GPHN: variants seen among roughly 807,000 people sequenced by gnomAD.
The protein encoded by GPHN is gephyrin.
In GPHN, 17 loss-of-function variants were observed where a neutral mutation model predicts 95.5. The ratio of observed to expected loss-of-function variants is 0.18; its 90% CI spans 0.12 to 0.27. The LOEUF (loss-of-function observed/expected upper bound fraction) is 0.27, where lower values mean the gene tolerates loss of function less well. GPHN is among the 10% of genes least tolerant of loss of function. The pLI is 1.00. For missense variants in GPHN, 660 were observed against 978.1 expected, an observed-to-expected ratio of 0.67 and a Z score of 4.34; for synonymous variants, 320 against 322.5, an observed-to-expected ratio of 0.99 and a Z score of 0.08.
chr14:67,008,359 G>A (rs983406591), intron 9 of GPHN, among the ~76,000 whole-genome samples: 2 of 151,718 alleles, frequency 1.3e-5, no homozygotes, highest in South Asian at 2.1e-4. Flanking sequence ...AGGAGGCTGA[G>A]GCAGGAGAAT....
chr14:66,939,425 C>T (rs2067292405), intron 8 of GPHN, among the ~76,000 whole-genome samples: 1 of 151,578 alleles, frequency 6.6e-6, no homozygotes, highest in Non-Finnish European at 1.5e-5. Context: ...CATGTGGACA[C>T]ATTGTAGGGT....
intron 2 of GPHN, among the ~76,000 whole-genome samples, chr14:66,729,363 G>A (rs2071550784): frequency 6.6e-6 from 1 of 152,136 alleles, no homozygotes; most frequent in African/African-American, 2.4e-5. Context: ...GATAAGGGAT[G>A]TTCACCCTCT....
At chr14:67,316,942 G>A in the GPHN span, 1 of 1,522,158 alleles carries the variant, frequency 6.6e-7, no homozygotes, top group Non-Finnish European at 9.0e-7. Context: ...ATGGTTTCTT[G>A]GGTCTTCATC....
rs553788734 is a variant in GPHN, at chr14:66,840,736, CAAAAAAAA to C, written c.294+16181_294+16188del. 1.1e-3 allele frequency among the ~76,000 whole-genome samples: 90 copies of C among 81,164 alleles called. 1 individual carries two copies. In the East Asian group the frequency reaches 0.021, roughly 19 times the overall value. The allele number at this position is 81,164 out of a possible 152,430, so 53.2% of individuals were successfully genotyped here. On this transcript the variant is annotated intron_variant, in intron 4 of 22. Transcript: ENST00000478722. ...GATCACTTATAGAGTGCAGGCCATA[CAAAAAAAA>C]AAAAAAAAAACAGGAAATGGGCAGG...
chr14:67,575,453 A>G, the GPHN span: 3 of 1,605,642 alleles, frequency 1.9e-6, no homozygotes, highest in Non-Finnish European at 2.6e-6. Flanking sequence ...TTCTACTACT[A>G]TCGGAGCCAT....
intron 9 of GPHN, among the ~76,000 whole-genome samples, chr14:66,977,854 AT>A (rs2070366260): frequency 6.6e-6 from 1 of 152,128 alleles, no homozygotes; most frequent in African/African-American, 2.4e-5. Flanking sequence ...CCTTTGGCCT[AT>A]TTTTCAGATT....
At chr14:67,331,664 A>G in the GPHN span, among the ~76,000 whole-genome samples, 2 of 152,202 alleles carry the variant, frequency 1.3e-5, no homozygotes, top group Non-Finnish European at 2.9e-5. Context: ...AATAAGTGAT[A>G]TAAGCCATTT....
the GPHN span, chr14:67,392,718 G>T: frequency 6.2e-7 from 1 of 1,614,174 alleles, no homozygotes; most frequent in South Asian, 1.1e-5. Context: ...TCCCCAGAGC[G>T]AATGGCTCCC....
At chr14:67,567,672 T>C in the GPHN span, among the ~76,000 whole-genome samples, 83 of 152,096 alleles carry the variant, frequency 5.5e-4, no homozygotes, top group African/African-American at 2.0e-3. Context: ...CTGCCCTCTC[T>C]CCTCCCAGTT....
At chr14:67,409,939 G>A in the GPHN span, among the ~76,000 whole-genome samples, 1 of 152,254 alleles carries the variant, frequency 6.6e-6, no homozygotes, top group Admixed American at 6.5e-5. Flanking sequence ...GGGTTCTGGG[G>A]CCCTATCCTT....
intron 4 of GPHN, among the ~76,000 whole-genome samples, chr14:66,841,945 C>T (rs1046606286): frequency 6.6e-5 from 10 of 151,956 alleles, no homozygotes; most frequent in African/African-American, 2.2e-4. Context: ...CCCAGCTACT[C>T]GGGAGGCTGA....
intron 6 of GPHN, among the ~76,000 whole-genome samples, chr14:66,920,318 G>C (rs934829193): frequency 4.0e-5 from 6 of 151,836 alleles, no homozygotes; most frequent in African/African-American, 1.2e-4. Flanking sequence ...TGGAAAAGAG[G>C]GTAGTATACA....
At chr14:67,053,259 C>T (rs2075395692) in intron 10 of GPHN, among the ~76,000 whole-genome samples, 1 of 141,444 alleles carries the variant, frequency 7.1e-6, no homozygotes, top group South Asian at 2.2e-4. Flanking sequence ...CAAATAGACA[C>T]AATAAAAAAT....
chr14:66,567,757 T>C (rs1024257180), intron 1 of GPHN, among the ~76,000 whole-genome samples: 1 of 152,254 alleles, frequency 6.6e-6, no homozygotes, highest in African/African-American at 2.4e-5. Context: ...AATTGTTTAA[T>C]ACATTTTGTT....
At chr14:66,671,608 A>G (rs1367683004) in intron 1 of GPHN, among the ~76,000 whole-genome samples, 1 of 152,180 alleles carries the variant, frequency 6.6e-6, no homozygotes, top group South Asian at 2.1e-4. Flanking sequence ...TGAAATCTTT[A>G]CATCAGTTTC....
intron 8 of GPHN, among the ~76,000 whole-genome samples, chr14:66,961,802 A>G (rs1353317131): frequency 1.3e-5 from 2 of 150,006 alleles, no homozygotes; most frequent in East Asian, 1.9e-4. Context: ...AACTGTTACT[A>G]TTCTTTGTGG....
chr14:67,642,573 TAAG>T, the GPHN span, among the ~76,000 whole-genome samples: 1 of 152,170 alleles, frequency 6.6e-6, no homozygotes, highest in Non-Finnish European at 1.5e-5. Context: ...CATTGCACAG[TAAG>T]AATATGTACA....
chr14:67,533,196 C>T, the GPHN span: 1 of 151,988 alleles, frequency 6.6e-6, no homozygotes, highest in Admixed American at 6.5e-5. Flanking sequence ...AAGGCTCGGC[C>T]GGGCTTTGTG....
At chr14:67,586,725 A>G in the GPHN span, 5 of 1,067,532 alleles carry the variant, frequency 4.7e-6, no homozygotes, top group African/African-American at 8.2e-5. Context: ...GAGTTTGCCA[A>G]ACCTACTCCT....
Sources: allele counts gnomAD v4.1 joint callset (sites outside exome capture counted in the v4.1 genomes callset), GRCh38; gene constraint gnomAD v4.1.1; transcripts MANE v1.5; gene names NCBI Gene and HGNC (gene_info 2026-07-23, HGNC 2026-07-21).